The following YEATS4 variants were observed in gnomAD, a reference collection of about 807,000 sequenced individuals.
YEATS4 encodes YEATS domain-containing protein 4.
A neutral mutation model predicts 30.1 loss-of-function variants in YEATS4; 17 were observed. The observed-to-expected ratio is 0.56, with a 90% CI of 0.39 to 0.85. The LOEUF (loss-of-function observed/expected upper bound fraction) is 0.85. Among genes scored for constraint, YEATS4 ranks in the 40% least tolerant of loss-of-function variants. YEATS4 has a pLI of 0.00. For missense variants in YEATS4, 142 were observed against 268.3 expected, an observed-to-expected ratio of 0.53 and a Z score of 3.29; for synonymous variants, 85 against 87.5, an observed-to-expected ratio of 0.97 and a Z score of 0.16.
At chr12:69,414,053 C>A in the YEATS4 span, among the ~76,000 whole-genome samples, 590 of 152,074 alleles carry the variant, frequency 3.9e-3, 3 homozygotes, top group African/African-American at 0.013. Context: ...CTATAAACTT[C>A]ATCTATCTAC....
chr12:69,415,919 C>T, the YEATS4 span, among the ~76,000 whole-genome samples: 3 of 152,238 alleles, frequency 2.0e-5, no homozygotes, highest in Non-Finnish European at 2.9e-5. Flanking sequence ...TGGCATCTCT[C>T]ACTCTGAAGA....
At chr12:69,388,358 C>T (rs893600757) in intron 6 of YEATS4, among the ~76,000 whole-genome samples, 3 of 152,272 alleles carry the variant, frequency 2.0e-5, no homozygotes, top group African/African-American at 4.8e-5. Context: ...TTAGCTGTAT[C>T]GTACAAAGAG....
the YEATS4 span, among the ~76,000 whole-genome samples, chr12:69,406,103 C>T: frequency 6.6e-6 from 1 of 152,196 alleles, no homozygotes; most frequent in Admixed American, 6.5e-5. Flanking sequence ...TAATGACCAT[C>T]TTTGCATATG....
chr12:69,376,330 C>T (rs781002131), intron 6 of YEATS4, among the ~76,000 whole-genome samples: 2 of 152,238 alleles, frequency 1.3e-5, no homozygotes, highest in Middle Eastern at 6.3e-3. Context: ...TGTGTCACTG[C>T]ACTCCAGCCT....
At chr12:69,426,302 A>G in the YEATS4 span, among the ~76,000 whole-genome samples, 6 of 152,168 alleles carry the variant, frequency 3.9e-5, no homozygotes, top group Non-Finnish European at 7.3e-5. Context: ...TTTCTAGGCT[A>G]AGACAAAGAG....
intron 6 of YEATS4, among the ~76,000 whole-genome samples, chr12:69,377,949 G>A (rs1230397405): frequency 1.3e-5 from 2 of 152,142 alleles, no homozygotes; most frequent in East Asian, 3.8e-4. Context: ...GGATGTTGGC[G>A]ATGCCAGGTA....
chr12:69,363,219 T>A (rs934512813), intron 2 of YEATS4, among the ~76,000 whole-genome samples: 3 of 151,854 alleles, frequency 2.0e-5, no homozygotes, highest in Non-Finnish European at 4.4e-5. Flanking sequence ...GGTCTCAATC[T>A]CCTGACCTCG....
chr12:69,383,187 C>T (rs1276799414), intron 6 of YEATS4, among the ~76,000 whole-genome samples: 1 of 151,964 alleles, frequency 6.6e-6, no homozygotes, highest in Non-Finnish European at 1.5e-5. Context: ...TTACTTGAGC[C>T]CAGGAGGGCA....
chr12:69,398,174 A>T, the YEATS4 span, among the ~76,000 whole-genome samples: 3 of 152,170 alleles, frequency 2.0e-5, no homozygotes, highest in Non-Finnish European at 4.4e-5. Context: ...CATCTATTCA[A>T]CACTGTGTGG....
At chr12:69,362,016 T>TTTGTTTTTTTTTTG (rs746807584) in intron 1 of YEATS4, among the ~76,000 whole-genome samples, 1 of 111,256 alleles carries the variant, frequency 9.0e-6, no homozygotes, top group African/African-American at 3.3e-5. Context: ...TTTGGTTGTT[T>TTTGTTTTTTTTTTG]TTTTTTTTTT....
At chr12:69,370,657 T>C (rs745764058) in intron 4 of YEATS4, 49 bp from the exon 5 acceptor site, 3 of 1,429,302 alleles carry the variant, frequency 2.1e-6, no homozygotes, top group East Asian at 2.4e-5. Context: ...CAGTATCTTA[T>C]GATGATAAAA....
At chr12:69,395,588 T>C (rs1403856160), downstream of YEATS4, among the ~76,000 whole-genome samples, 2 of 152,204 alleles carry the variant, frequency 1.3e-5, no homozygotes, top group Non-Finnish European at 2.9e-5. Context: ...ATTATGTATC[T>C]AAATATTTAG....
At chr12:69,408,060 G>A in the YEATS4 span, among the ~76,000 whole-genome samples, 8 of 152,072 alleles carry the variant, frequency 5.3e-5, no homozygotes, top group East Asian at 3.9e-4. Flanking sequence ...TATGAGTTAC[G>A]GATTGTTATG....
intron 2 of YEATS4, among the ~76,000 whole-genome samples, chr12:69,365,136 T>C (rs1009812859): frequency 7.2e-5 from 11 of 152,098 alleles, no homozygotes; most frequent in Non-Finnish European, 2.9e-5. Flanking sequence ...CAACACAGGC[T>C]TCCTTTTTGT....
Position 69,370,788 on chromosome 12 carries a change from A to G in YEATS4, c.416A>G (p.Tyr139Cys), listed in dbSNP as rs763910557. The part of the protein sequence containing the change: ...LGKKTVVSEF[Y>C]DEMIFQDPTA... ...AAAAAGACAGTGGTTTCAGAGTTCTATGATGAAATGGTAAGAAGATTTTAT... is the reference window on the plus strand; with the variant it reads ...AAAAAGACAGTGGTTTCAGAGTTCTGTGATGAAATGGTAAGAAGATTTTAT... Residue 139 changes from tyrosine to cysteine, a missense_variant, in exon 5 of 7, where the codon TAT becomes TGT. By Grantham distance (194) the Tyr-to-Cys change is radical. This residue lies in a region of YEATS4 where 64 missense variants were observed against 164.0 expected (regional missense o/e 0.39). Coordinates refer to ENST00000247843, the MANE Select transcript of YEATS4 (RefSeq NM_006530.4). The G allele has an allele frequency of 5.0e-6, 8 of 1,597,320 alleles. No individual in the cohort carries two copies. Among genetic ancestry groups the G allele is most frequent in the South Asian group, 1.1e-5 (1 of 87,282 alleles).
the YEATS4 span, among the ~76,000 whole-genome samples, chr12:69,403,356 C>G: frequency 3.9e-5 from 6 of 152,072 alleles, no homozygotes; most frequent in African/African-American, 1.2e-4. Context: ...GCAGGCAGAT[C>G]ACTTGAGGTC....
At chr12:69,417,019 G>A in the YEATS4 span, among the ~76,000 whole-genome samples, 8 of 151,432 alleles carry the variant, frequency 5.3e-5, no homozygotes, top group Non-Finnish European at 7.4e-5. Flanking sequence ...GTTGCAGTGA[G>A]CCAAGATCAC....
rs1875266904 is a variant in YEATS4 at position 69,362,676 on chromosome 12, A to G, written c.52-112A>G. On this transcript the variant is annotated intron_variant, in intron 1 of 6. Transcript: ENST00000247843. ...TTTGAGAGAAATCCATATTATAAGC[A>G]AACTATAGATTGTTAGCCTGCCATT... 5.1e-6 allele frequency: 4 copies of G among 780,010 alleles called. No homozygotes were observed. The African/African-American group carries it at 7.2e-5, about 14-fold the overall frequency. 48.3% of individuals were successfully genotyped at this position (780,010 alleles called of 1,614,324 possible). A position where few individuals can be genotyped will look rare whatever the true frequency, so the allele number is the denominator to read the frequency against.
chr12:69,399,329 T>A, the YEATS4 span, among the ~76,000 whole-genome samples: 6 of 151,930 alleles, frequency 3.9e-5, no homozygotes, highest in African/African-American at 1.5e-4. Flanking sequence ...AAAAGACAAT[T>A]AAAAATTGGG....
Sources: gnomAD v4.1 joint callset for allele counts (sites outside exome capture counted in the v4.1 genomes callset) on GRCh38, gnomAD v4.1.1 for gene constraint, gnomAD v4.1.1 regional missense constraint, MANE v1.5 for transcripts, NCBI Gene and HGNC (gene_info 2026-07-23, HGNC 2026-07-21) for gene names.